ACSM2B: variants seen among roughly 807,000 people sequenced by gnomAD.
ACSM2B encodes the protein acyl-coenzyme A synthetase ACSM2B, mitochondrial.
In ACSM2B, 58 loss-of-function variants were observed where a neutral mutation model predicts 78.6. The observed-to-expected ratio is 0.74, with a 90% CI of 0.60 to 0.92. ACSM2B has a LOEUF of 0.92. ACSM2B is among the 40% of genes least tolerant of loss of function. ACSM2B has a pLI of 0.00. For missense variants in ACSM2B, 688 were observed against 711.2 expected, an observed-to-expected ratio of 0.97 and a Z score of 0.37; for synonymous variants, 257 against 256.8, an observed-to-expected ratio of 1.00 and a Z score of -0.01.
chr16:20,558,789 G>C (rs1596724337), intron 3 of ACSM2B, among the ~76,000 whole-genome samples: 1 of 152,324 alleles, frequency 6.6e-6, no homozygotes, highest in South Asian at 2.1e-4. Flanking sequence ...CCACTGCAGT[G>C]CAAATGCAGC....
chr16:20,537,516 G>A (rs1389466581), intron 13 of ACSM2B, among the ~76,000 whole-genome samples, 154 bp from the exon 14 acceptor site: 1 of 152,182 alleles, frequency 6.6e-6, no homozygotes, highest in Non-Finnish European at 1.5e-5. Context: ...GGTGCTCTGG[G>A]ATGAGGACAA....
Position 20,537,100 on chromosome 16 carries a change from C to G in ACSM2B, c.*158G>C. On this transcript the variant is annotated 3_prime_UTR_variant, in exon 14 of 14. Coordinates refer to ENST00000329697, the MANE Select transcript of ACSM2B (RefSeq NM_001105069.2). ...TTCCTTCCCTTTCTTATTTCAATAT[C>G]TAACATAGTAATGTTTTGTGCTAAT... The G allele has an allele frequency of 1.2e-6, 1 of 838,526 alleles. No individual in the cohort carries two copies. Among genetic ancestry groups the G allele is most frequent in the Non-Finnish European group, 1.9e-6 (1 of 528,522 alleles). The allele number at this position is 838,526 out of a possible 1,614,324, so 51.9% of individuals were successfully genotyped here. A position where few individuals can be genotyped will look rare whatever the true frequency, so the allele number is the denominator to read the frequency against.
intron 13 of ACSM2B, among the ~76,000 whole-genome samples, chr16:20,539,251 G>A (rs1198459352): frequency 7.2e-5 from 9 of 125,330 alleles, no homozygotes; most frequent in Admixed American, 1.7e-4. Context: ...AGCCTCTTGC[G>A]TGGTAACCTC....
chr16:20,568,375 A>G (rs879475965), intron 1 of ACSM2B, among the ~76,000 whole-genome samples: 6 of 145,882 alleles, frequency 4.1e-5, no homozygotes, highest in Non-Finnish European at 9.0e-5. Flanking sequence ...CATATTATAT[A>G]TTTATATAAA....
rs761525079 is a variant in ACSM2B, at chr16:20,542,963, G to A, written c.1460C>T (p.Ala487Val). 10 of 1,613,656 alleles carry A rather than the reference G, an allele frequency of 6.2e-6. No individual in the cohort carries two copies. The South Asian group carries it at 1.1e-4, about 18-fold the overall frequency. ...GCTGATCACAGCCGTCTCAACCACAGCAGGGTGCTTCATCAGTGCATTCTC... is the reference window on the plus strand; with the variant it reads ...GCTGATCACAGCCGTCTCAACCACAACAGGGTGCTTCATCAGTGCATTCTC... ...EVENALMKHP[A>V]VVETAVISSP... Residue 487 changes from alanine (A) to valine (V), a missense_variant, in exon 12 of 14, where the codon GCT becomes GTT. Transcript: ENST00000329697.
At chr16:20,544,725 G>C in intron 10 of ACSM2B, 5 of 985,856 alleles carry the variant, frequency 5.1e-6, no homozygotes, top group Non-Finnish European at 6.0e-6. Context: ...CCCAAGATCT[G>C]AAGATAGGGA....
At chr16:20,549,019 C>T (rs1034498938) in intron 6 of ACSM2B, among the ~76,000 whole-genome samples, 2 of 152,176 alleles carry the variant, frequency 1.3e-5, no homozygotes, top group African/African-American at 4.8e-5. Context: ...CTTGCCATGT[C>T]CTGTGTTACC....
intron 5 of ACSM2B, 101 bp downstream of exon 5, chr16:20,553,676 C>T (rs2015382740): frequency 6.6e-7 from 1 of 1,513,150 alleles, no homozygotes; most frequent in Non-Finnish European, 8.8e-7. Flanking sequence ...TTTCTCAGAA[C>T]CACAAGGTGG....
intron 1 of ACSM2B, among the ~76,000 whole-genome samples, chr16:20,567,531 A>C (rs1194510213): frequency 1.5e-5 from 2 of 130,898 alleles, no homozygotes; most frequent in East Asian, 2.1e-4. Context: ...AATTATATAA[A>C]TAGTATATAA....
At chr16:20,550,500 T>G (rs13333065) in intron 6 of ACSM2B, among the ~76,000 whole-genome samples, 6,906 of 152,270 alleles carry the variant, frequency 0.045, 536 homozygotes, top group African/African-American at 0.16. Flanking sequence ...ATTTTTTTAA[T>G]GGTGGAACTT....
chr16:20,551,104 G>A (rs1284473790), intron 6 of ACSM2B, among the ~76,000 whole-genome samples: 1 of 152,140 alleles, frequency 6.6e-6, no homozygotes, highest in East Asian at 1.9e-4. Context: ...TATATATAAT[G>A]TTGTTCCATT....
intron 3 of ACSM2B, 148 bp downstream of exon 3, chr16:20,559,089 G>A: frequency 7.0e-7 from 1 of 1,427,638 alleles, no homozygotes; most frequent in South Asian, 1.6e-5. Context: ...GCTTAAATAA[G>A]TGGAAGCAGG....
chr16:20,563,604 G>T (rs1191596970), intron 2 of ACSM2B, among the ~76,000 whole-genome samples: 6 of 151,816 alleles, frequency 4.0e-5, no homozygotes, highest in Non-Finnish European at 2.9e-5. Flanking sequence ...AAAAAATCCA[G>T]AAATCTAAAT....
chr16:20,547,652 G>C (rs1456171749), intron 8 of ACSM2B: 1 of 1,019,764 alleles, frequency 9.8e-7, no homozygotes, highest in Non-Finnish European at 1.2e-6. Flanking sequence ...TTCAGTCTAA[G>C]CAGCTTTGTA....
At chr16:20,543,533 C>T (rs1274831666) in intron 10 of ACSM2B, among the ~76,000 whole-genome samples, 1 of 152,186 alleles carries the variant, frequency 6.6e-6, no homozygotes, top group African/African-American at 2.4e-5. Flanking sequence ...TTCATCCATG[C>T]TTAGGGCATT....
Position 20,543,196 on chromosome 16 carries a change from T to C in ACSM2B, c.1348A>G (p.Lys450Glu). The C allele has an allele frequency of 6.2e-7, 1 of 1,613,868 alleles. No homozygotes were observed. Among genetic ancestry groups the C allele is most frequent in the Admixed American group, 1.7e-5 (1 of 60,018 alleles). ...DFWLLGDRGI[K>E]DEDGYFQFMG... Reference sequence around the variant, plus strand: ...AACTGGAAATACCCATCTTCATCTTTGATTCCCCGGTCTCCAAGGAGCCAA... The same window carrying C: ...AACTGGAAATACCCATCTTCATCTTCGATTCCCCGGTCTCCAAGGAGCCAA... Residue 450 changes from lysine (K) to glutamate (E), a missense_variant, in exon 11 of 14, where the codon AAA becomes GAA. Coordinates refer to ENST00000329697, the MANE Select transcript of ACSM2B (RefSeq NM_001105069.2).
intron 1 of ACSM2B, among the ~76,000 whole-genome samples, chr16:20,569,079 C>G (rs1443040317): frequency 1.3e-5 from 2 of 151,736 alleles, no homozygotes; most frequent in East Asian, 1.9e-4. Context: ...TAAGTCCCAT[C>G]TATTTATCTT....
intron 13 of ACSM2B, among the ~76,000 whole-genome samples, chr16:20,538,693 C>G (rs1406950728): frequency 2.6e-5 from 4 of 152,094 alleles, no homozygotes; most frequent in African/African-American, 9.7e-5. Context: ...TGTGATAGGA[C>G]TCCTTGACTC....
intron 3 of ACSM2B, among the ~76,000 whole-genome samples, chr16:20,556,721 T>C (rs142191015): frequency 6.2e-4 from 95 of 152,300 alleles, no homozygotes; most frequent in African/African-American, 2.0e-3. Context: ...TTCTTCCCAC[T>C]CTCAACACTT....
Sources: gnomAD v4.1 joint callset for allele counts (sites outside exome capture counted in the v4.1 genomes callset) on GRCh38, gnomAD v4.1.1 for gene constraint, MANE v1.5 for transcripts, NCBI Gene and HGNC (gene_info 2026-07-23, HGNC 2026-07-21) for gene names.